Variants in CPLANE1 observed in about 807,000 individuals in gnomAD.
CPLANE1 encodes the protein ciliogenesis and planar polarity effector 1.
In CPLANE1, 263 loss-of-function variants were observed where a neutral mutation model predicts 362.5. The ratio of observed to expected loss-of-function variants is 0.73; its 90% CI spans 0.66 to 0.80. The LOEUF (loss-of-function observed/expected upper bound fraction) is 0.80. Ranked by LOEUF, CPLANE1 falls within the 30% of genes least tolerant of loss-of-function variation. CPLANE1 has a pLI of 0.00. For synonymous variants in CPLANE1, 1,212 were observed against 1,302.6 expected (o/e 0.93, Z 1.50); for missense variants, 3,461 against 3,793.4 (o/e 0.91, Z 2.30).
At chr5:37,212,495 CAA>C (rs113291300) in intron 16 of CPLANE1, 10,263 of 409,120 alleles carry the variant, frequency 0.025, no homozygotes, top group South Asian at 0.041. Context: ...ATGTGTAATC[CAA>C]AAAAAAAAAA....
intron 50 of CPLANE1, among the ~76,000 whole-genome samples, chr5:37,117,864 A>C (rs1761479500): frequency 6.6e-6 from 1 of 152,232 alleles, no homozygotes; most frequent in Admixed American, 6.5e-5. Context: ...AAAAATAAAG[A>C]CTTGAAATTG....
chr5:37,227,122 A>G, intron 11 of CPLANE1, 49 bp from the exon 12 acceptor site: 1 of 1,504,760 alleles, frequency 6.6e-7, no homozygotes, highest in Non-Finnish European at 8.9e-7. Context: ...TTAATACCTT[A>G]TCAATAGCAT....
chr5:37,107,722 C>A lies in CPLANE1; in HGVS notation c.9636G>T (p.Val3212=). 1 of 1,612,088 alleles carries A rather than the reference C, an allele frequency of 6.2e-7. No individual in the cohort carries two copies. Among genetic ancestry groups the A allele is most frequent in the East Asian group, 2.2e-5 (1 of 44,776 alleles). ...TGCCAGTGCTCTCAGACACGCTGTCCACACCGCCCACCCCAAAAGGATGCT... is the reference window on the plus strand; with the variant it reads ...TGCCAGTGCTCTCAGACACGCTGTCAACACCGCCCACCCCAAAAGGATGCT... ...EPEHPFGVGG[V]DSVSESTGSI... Residue 3212 remains valine, a synonymous_variant, in exon 53 of 53, where the codon GTG becomes GTT. Transcript: ENST00000651892.
rs1738826721 is a variant in CPLANE1 at position 37,244,510 on chromosome 5, T to C, written c.435A>G (p.Glu145=). ...SGCIFLWEYL[E]LKNILSSKSL... is the part of the protein sequence containing the mutation. ...TTTTAGAAGATAAGATATTCTTTAA[T>C]TCCAAATATTCCCAAAGAAATATGC... Residue 145 remains glutamate (E), a synonymous_variant, in exon 5 of 53, where the codon GAA becomes GAG. Transcript: ENST00000651892. The C allele has an allele frequency of 1.3e-6, 2 of 1,551,886 alleles. No homozygotes were observed. Among genetic ancestry groups the C allele is most frequent in the Non-Finnish European group, 1.7e-6 (2 of 1,147,016 alleles).
chr5:37,233,553 C>A (rs1281591352), intron 8 of CPLANE1, among the ~76,000 whole-genome samples: 1 of 152,108 alleles, frequency 6.6e-6, no homozygotes, highest in African/African-American at 2.4e-5. Flanking sequence ...ACCCACCACC[C>A]TGCCACAGAG....
At chr5:37,083,002 T>C in the CPLANE1 span, among the ~76,000 whole-genome samples, 1 of 151,996 alleles carries the variant, frequency 6.6e-6, no homozygotes, top group South Asian at 2.1e-4. Context: ...ACCCACAGAC[T>C]CTCTGAAGGA....
At chr5:37,193,524 G>T (rs536220114) in intron 21 of CPLANE1, among the ~76,000 whole-genome samples, 1 of 151,948 alleles carries the variant, frequency 6.6e-6, no homozygotes, top group South Asian at 2.1e-4. Flanking sequence ...GCGCAGCAGC[G>T]GGTGCCTATA....
intron 9 of CPLANE1, among the ~76,000 whole-genome samples, chr5:37,228,136 T>C (rs1039541454): frequency 1.1e-4 from 16 of 152,146 alleles, no homozygotes; most frequent in Non-Finnish European, 1.5e-5. Context: ...AATAGTTAAC[T>C]TTCCTCTTAC....
chr5:37,209,967 G>A lies in CPLANE1; in HGVS notation c.2921-3542C>T. ...TGAGTCTTTAGAAATAAAGCTAAAT[G>A]AATATAAGAGAGAAATAGAAGAGCA... On this transcript the variant is annotated intron_variant, in intron 16 of 52. Transcript: ENST00000651892. The surrounding 1 kb of genome is among the most constrained non-coding windows in gnomAD (Gnocchi z 4.6). The A allele has an allele frequency of 9.8e-7, 1 of 1,023,648 alleles. No individual in the cohort carries two copies. The highest frequency in any genetic ancestry group is 1.8e-5 in the Admixed American group (1 of 57,118). 63.4% of individuals were successfully genotyped at this position (1,023,648 alleles called of 1,614,324 possible).
chr5:37,131,556 G>A (rs1211323465), intron 46 of CPLANE1, among the ~76,000 whole-genome samples: 1 of 151,084 alleles, frequency 6.6e-6, no homozygotes, highest in African/African-American at 2.5e-5. Flanking sequence ...TTGAGACGGA[G>A]TTTCGCTCTA....
At chr5:37,208,875 G>A (rs1580749725) in intron 16 of CPLANE1, among the ~76,000 whole-genome samples, 1 of 150,978 alleles carries the variant, frequency 6.6e-6, no homozygotes, top group Non-Finnish European at 1.5e-5. Context: ...CGTAAACCCC[G>A]TAAAAGAACA....
intron 51 of CPLANE1, among the ~76,000 whole-genome samples, chr5:37,109,599 CTG>C (rs1363665833): frequency 2.6e-5 from 4 of 152,172 alleles, no homozygotes; most frequent in Non-Finnish European, 4.4e-5. Context: ...CAAAACCACA[CTG>C]TTAATTTTTA....
intron 18 of CPLANE1, among the ~76,000 whole-genome samples, chr5:37,203,054 GTTTTTAAA>G (rs1408943858): frequency 6.6e-6 from 1 of 151,816 alleles, no homozygotes; most frequent in Non-Finnish European, 1.5e-5. Flanking sequence ...TGAAGTTTTT[GTTTTTAAA>G]TCAGGTTGAG....
chr5:37,231,051 TATA>T lies in CPLANE1; in HGVS notation c.939-5_939-3del. 6.6e-7 allele frequency: 1 copy of T among 1,513,434 alleles called. No homozygotes were observed. The highest frequency in any genetic ancestry group is 8.8e-7 in the Non-Finnish European group (1 of 1,130,576). The allele number at this position is 1,513,434 out of a possible 1,614,324, so 93.8% of individuals were successfully genotyped here. On this transcript the variant is annotated splice_region_variant and splice_polypyrimidine_tract_variant and intron_variant, in intron 8 of 52. Transcript: ENST00000651892. ...CTGATATCACCTACCCAGTAGGACCTATAATAAATAAGAGACAACATGTTTAGA... is the reference window on the plus strand; with the variant it reads ...CTGATATCACCTACCCAGTAGGACCTATAAATAAGAGACAACATGTTTAGA...
chr5:37,148,359 TTAATGC>T, intron 42 of CPLANE1, 91 bp from the exon 43 acceptor site: 1 of 888,438 alleles, frequency 1.1e-6, no homozygotes, highest in Non-Finnish European at 1.7e-6. Context: ...AACACTTGCA[TTAATGC>T]AAAAGTGAAA....
Position 37,226,633 on chromosome 5 carries a change from T to G in CPLANE1, c.1962A>C (p.Lys654Asn). ...GCTTTATCAAATGCCCCACATCTTG[T>G]TTGTATCTTATATCCCAATAATGGA... ...LSIHYWDIRY[K>N]QDVGHLIKLT... Residue 654 changes from lysine to asparagine, a missense_variant, in exon 12 of 53, where the codon AAA becomes AAC. Physicochemically the swap from Lys to Asn is moderately conservative, Grantham distance 94. Coordinates refer to ENST00000651892, the MANE Select transcript of CPLANE1 (RefSeq NM_001384732.1). The G allele has an allele frequency of 6.4e-7, 1 of 1,551,470 alleles. No homozygotes were observed. Among genetic ancestry groups the G allele is most frequent in the South Asian group, 1.2e-5 (1 of 84,052 alleles).
At chr5:37,116,394 G>A (rs13183256) in intron 50 of CPLANE1, among the ~76,000 whole-genome samples, 20,743 of 148,512 alleles carry the variant, frequency 0.14, 1,742 homozygotes, top group East Asian at 0.31. Context: ...GCTGAGGCAG[G>A]AGAATTGCTT....
intron 29 of CPLANE1, 86 bp from the exon 30 acceptor site, chr5:37,177,786 A>C: frequency 1.0e-6 from 1 of 987,880 alleles, no homozygotes. Flanking sequence ...CATATTAGCC[A>C]CTTAACCAGA....
rs1210179207 is a variant in CPLANE1, at chr5:37,108,273, A to C, written c.9579+20T>G. 6.2e-7 allele frequency: 1 copy of C among 1,605,794 alleles called. No homozygotes were observed. The highest frequency in any genetic ancestry group is 1.1e-5 in the South Asian group (1 of 90,044). The stretch of plus-strand genomic sequence containing the variant: ...ACATAGAGCAATCACTAGACAAACA[A>C]AATCTAGAACAATGCTTACTTGTAG... On this transcript the variant is annotated intron_variant, in intron 52 of 52. Coordinates refer to ENST00000651892, the MANE Select transcript of CPLANE1 (RefSeq NM_001384732.1).
Sources: gnomAD v4.1 joint callset for allele counts (sites outside exome capture counted in the v4.1 genomes callset) on GRCh38, gnomAD v4.1.1 for gene constraint, Gnocchi (gnomAD v3.1) non-coding constraint, MANE v1.5 for transcripts, NCBI Gene and HGNC (gene_info 2026-07-23, HGNC 2026-07-21) for gene names.